The following UBE2D2 variants were observed in gnomAD, a reference collection of about 807,000 sequenced individuals.
UBE2D2 encodes ubiquitin-conjugating enzyme E2 D2.
Under a neutral mutation model 24.2 loss-of-function variants are expected in UBE2D2, and 2 were observed. The observed-to-expected ratio is 0.08, with a 90% CI of 0.03 to 0.26. UBE2D2 has a LOEUF of 0.26. Among genes scored for constraint, UBE2D2 ranks in the 10% least tolerant of loss-of-function variants. The probability of loss-of-function intolerance (pLI) is 1.00; values close to 1 mark genes in which losing one functional copy is unlikely to be tolerated. For missense variants in UBE2D2, 44 were observed against 177.6 expected, an observed-to-expected ratio of 0.25 and a Z score of 4.28; for synonymous variants, 58 against 56.5, an observed-to-expected ratio of 1.03 and a Z score of -0.12.
At chr5:139,562,086 C>G (rs1753113175) in intron 1 of UBE2D2, 3 of 925,462 alleles carry the variant, frequency 3.2e-6, no homozygotes, top group Non-Finnish European at 4.7e-6. Flanking sequence ...TAGGGCTTCT[C>G]TCCAGTCTGG....
intron 1 of UBE2D2, among the ~76,000 whole-genome samples, chr5:139,573,704 T>C (rs1753401782): frequency 6.6e-6 from 1 of 152,128 alleles, no homozygotes. Flanking sequence ...GCGCAGTGGC[T>C]CAAGCTTGTA....
intron 1 of UBE2D2, among the ~76,000 whole-genome samples, chr5:139,597,179 A>G (rs1443904664): frequency 6.6e-6 from 1 of 152,118 alleles, no homozygotes; most frequent in Non-Finnish European, 1.5e-5. Flanking sequence ...GAACATTTCT[A>G]TCACTCCTCA....
At chr5:139,540,063 G>C (rs1180372280) in intron 1 of UBE2D2, among the ~76,000 whole-genome samples, 1 of 151,846 alleles carries the variant, frequency 6.6e-6, no homozygotes, top group Non-Finnish European at 1.5e-5. Flanking sequence ...GGGATTACAG[G>C]CATGCACCAC....
At position 139,548,189 on chromosome 5, in the gene UBE2D2, A is replaced by T. The variant is rs1002553093; in HGVS notation, c.-64+21577A>T. 9.5e-3 allele frequency among the ~76,000 whole-genome samples: 176 copies of T among 18,550 alleles called. 2 individuals carry two copies. Among genetic ancestry groups the T allele is most frequent in the South Asian group, 0.029 (14 of 486 alleles). 12.2% of individuals were successfully genotyped at this position (18,550 alleles called of 152,430 possible). ...AAAAAAAAAAAAAAAAAAAATAAAA[A>T]AAAAAAATAAATAAATAAATAAATA... On this transcript the variant is annotated intron_variant, in intron 1 of 6. Coordinates refer to the UBE2D2 transcript ENST00000511725.
chr5:139,552,509 C>CTTT (rs35945797), intron 1 of UBE2D2, among the ~76,000 whole-genome samples: 3 of 124,246 alleles, frequency 2.4e-5, no homozygotes, highest in Non-Finnish European at 4.9e-5. Flanking sequence ...TTTCTTTTTT[C>CTTT]TTTTTTTTTT....
At chr5:139,534,724 G>A (rs549028168) in intron 1 of UBE2D2, among the ~76,000 whole-genome samples, 6 of 151,302 alleles carry the variant, frequency 4.0e-5, no homozygotes, top group African/African-American at 1.5e-4. Context: ...CAACAAGAGT[G>A]AAACTCTGTC....
intron 1 of UBE2D2, among the ~76,000 whole-genome samples, chr5:139,552,634 G>A (rs868053342): frequency 5.6e-5 from 8 of 142,258 alleles, no homozygotes; most frequent in East Asian, 2.1e-4. Flanking sequence ...TCAGCCTCCC[G>A]AGTAGCTGTG....
chr5:139,538,858 A>G (rs1752720104), intron 1 of UBE2D2, among the ~76,000 whole-genome samples: 1 of 151,040 alleles, frequency 6.6e-6, no homozygotes, highest in African/African-American at 2.4e-5. Flanking sequence ...CAACAAGAGC[A>G]AAATCCATCT....
chr5:139,561,465 T>G lies in UBE2D2; in HGVS notation c.-327T>G. On this transcript the variant is annotated 5_prime_UTR_variant, in exon 1 of 7. Coordinates refer to ENST00000398733, the MANE Select transcript of UBE2D2 (RefSeq NM_003339.3). ...GCCGGCCGAGCCCGAGGCTTGGGCT[T>G]TTGCTTTCTGGCGGAGGGATCTGCG... 9.7e-6 allele frequency: 3 copies of G among 310,172 alleles called. No homozygotes were observed. Among genetic ancestry groups the G allele is most frequent in the Non-Finnish European group, 5.9e-6 (1 of 168,396 alleles). 19.2% of individuals were successfully genotyped at this position (310,172 alleles called of 1,614,324 possible). A position where few individuals can be genotyped will look rare whatever the true frequency, so the allele number is the denominator to read the frequency against.
intron 1 of UBE2D2, chr5:139,554,873 T>C (rs1280259643): frequency 6.6e-6 from 1 of 152,126 alleles, no homozygotes; most frequent in Admixed American, 6.6e-5. Context: ...TTCTAGTGGG[T>C]ATGAAATGAT....
chr5:139,598,230 G>C (rs1392200239), intron 1 of UBE2D2, among the ~76,000 whole-genome samples: 2 of 152,072 alleles, frequency 1.3e-5, no homozygotes, highest in Non-Finnish European at 2.9e-5. Context: ...TTTATGCTTT[G>C]TGTACTCCAA....
At chr5:139,559,145 G>A (rs1001911602), upstream of UBE2D2, among the ~76,000 whole-genome samples, 17 of 152,014 alleles carry the variant, frequency 1.1e-4, no homozygotes, top group African/African-American at 3.9e-4. Context: ...AAAATCTGTC[G>A]GCCGGGCGCG....
intron 1 of UBE2D2, among the ~76,000 whole-genome samples, chr5:139,552,432 T>C (rs1176675265): frequency 1.3e-5 from 2 of 151,956 alleles, no homozygotes; most frequent in Non-Finnish European, 2.9e-5. Context: ...CCTCCCAAAG[T>C]GTTGGGATTA....
intron 1 of UBE2D2, among the ~76,000 whole-genome samples, chr5:139,582,463 G>A (rs897570092): frequency 9.2e-5 from 14 of 151,618 alleles, no homozygotes; most frequent in African/African-American, 3.4e-4. Context: ...CTCCCACTTC[G>A]GCCTCCCAGA....
Position 139,614,687 on chromosome 5 carries a change from T to A in UBE2D2, c.121-10T>A. 6.2e-7 allele frequency: 1 copy of A among 1,613,868 alleles called. No individual in the cohort carries two copies. ...ACTCATTTTAATCCCACTTTTCTTG[T>A]TATCAACAGAATGACAGTCCCTATC... On this transcript the variant is annotated splice_polypyrimidine_tract_variant and intron_variant, in intron 3 of 6. Coordinates refer to ENST00000398733, the MANE Select transcript of UBE2D2 (RefSeq NM_003339.3).
chr5:139,577,485 C>CT (rs1006422898), intron 1 of UBE2D2, among the ~76,000 whole-genome samples: 1 of 144,192 alleles, frequency 6.9e-6, no homozygotes, highest in African/African-American at 2.6e-5. Flanking sequence ...GTGATCTCGG[C>CT]TCACTGCAAT....
rs555050561 is a variant in UBE2D2 at position 139,583,534 on chromosome 5, G to T, written c.25-16838G>T. ...CCCAGAACTTTGGGAGGCTGAGGTG[G>T]GTGGATCACCTGAGGACAGGAGTTC... On this transcript the variant is annotated intron_variant, in intron 1 of 6. Coordinates refer to ENST00000398733, the MANE Select transcript of UBE2D2 (RefSeq NM_003339.3). 1.3e-3 allele frequency among the ~76,000 whole-genome samples: 191 copies of T among 152,220 alleles called. 2 individuals carry two copies. Among genetic ancestry groups the T allele is most frequent in the African/African-American group, 4.4e-3 (182 of 41,544 alleles).
intron 2 of UBE2D2, among the ~76,000 whole-genome samples, chr5:139,610,680 C>T (rs571762528): frequency 7.9e-5 from 12 of 151,962 alleles, no homozygotes; most frequent in Admixed American, 3.9e-4. Context: ...CGAGACCAGC[C>T]TGGGCAACGT....
At chr5:139,577,404 CT>C (rs869189901) in intron 1 of UBE2D2, among the ~76,000 whole-genome samples, 7,214 of 69,398 alleles carry the variant, frequency 0.1, 113 homozygotes, top group South Asian at 0.15. Context: ...TAGCATCTCT[CT>C]TTTTTTTTTT....
Sources: allele counts gnomAD v4.1 joint callset (sites outside exome capture counted in the v4.1 genomes callset), GRCh38; gene constraint gnomAD v4.1.1; transcripts MANE v1.5; gene names NCBI Gene and HGNC (gene_info 2026-07-23, HGNC 2026-07-21).